Variants in APBB2 observed in about 807,000 individuals in gnomAD.
The protein encoded by APBB2 is amyloid beta precursor protein binding family B member 2.
In APBB2, 38 loss-of-function variants were observed where a neutral mutation model predicts 82.5. The ratio of observed to expected loss-of-function variants is 0.46; its 90% CI spans 0.36 to 0.60. The LOEUF (loss-of-function observed/expected upper bound fraction) is 0.60. Among genes scored for constraint, APBB2 ranks in the 20% least tolerant of loss-of-function variants. APBB2 has a pLI of 0.00. For synonymous variants in APBB2, 341 were observed against 368.2 expected (o/e 0.93, Z 0.85); for missense variants, 772 against 972.3 (o/e 0.79, Z 2.74).
intron 6 of APBB2, among the ~76,000 whole-genome samples, chr4:40,973,810 G>A (rs977232254): frequency 6.6e-6 from 1 of 151,344 alleles, no homozygotes; most frequent in Non-Finnish European, 1.5e-5. Context: ...GGATTCACCT[G>A]GCATTCTCTT....
chr4:40,816,010 G>T lies in APBB2; in HGVS notation c.*82C>A. The stretch of plus-strand genomic sequence containing the variant: ...AAGACAAAGCATCAGCAACTGGATG[G>T]AAGGTCGGATGGCGGAGTTCATTTT... On this transcript the variant is annotated 3_prime_UTR_variant, in exon 18 of 18. Transcript: ENST00000508593. 6.7e-7 allele frequency: 1 copy of T among 1,493,080 alleles called. No homozygotes were observed. Among genetic ancestry groups the T allele is most frequent in the Non-Finnish European group, 9.2e-7 (1 of 1,089,164 alleles). The allele number at this position is 1,493,080 out of a possible 1,614,324, so 92.5% of individuals were successfully genotyped here. A position where few individuals can be genotyped will look rare whatever the true frequency, so the allele number is the denominator to read the frequency against.
In APBB2 at chr4:41,099,844, A is replaced by G. The variant is rs1414604437; in HGVS notation, c.-149+795T>C. Among the ~76,000 whole-genome samples the G allele has an allele frequency of 2.0e-5, 3 of 152,192 alleles. No homozygotes were observed. In the East Asian group the frequency reaches 5.8e-4, roughly 29 times the overall value. ...GTCGATAATGTTTCTGGAACATGCT[A>G]GAGAGGATATTTGTGTATGTTTCTG... On this transcript the variant is annotated intron_variant, in intron 3 of 17. Coordinates refer to ENST00000508593, the MANE Select transcript of APBB2 (RefSeq NM_004307.2).
intron 1 of APBB2, among the ~76,000 whole-genome samples, chr4:41,171,955 C>T (rs540832106): frequency 2.9e-4 from 44 of 152,268 alleles, no homozygotes; most frequent in African/African-American, 1.0e-3. Context: ...AAAAAATTAG[C>T]TGGGCATGGT....
intron 1 of APBB2, among the ~76,000 whole-genome samples, chr4:41,162,928 A>C (rs778284201): frequency 1.2e-4 from 19 of 152,234 alleles, no homozygotes; most frequent in Non-Finnish European, 2.4e-4. Context: ...AATAAGGGCA[A>C]GGTGTGTGGA....
chr4:41,191,202 T>A (rs1774333640), intron 1 of APBB2, among the ~76,000 whole-genome samples: 1 of 152,170 alleles, frequency 6.6e-6, no homozygotes, highest in Admixed American at 6.5e-5. Flanking sequence ...GGTGGACAAC[T>A]TCTACCACAT....
intron 5 of APBB2, among the ~76,000 whole-genome samples, chr4:41,025,506 G>T (rs1713649359): frequency 6.6e-6 from 1 of 151,988 alleles, no homozygotes; most frequent in Non-Finnish European, 1.5e-5. Flanking sequence ...CTGTTACTGG[G>T]TATATACTCA....
intron 12 of APBB2, among the ~76,000 whole-genome samples, chr4:40,838,781 A>G (rs1204327248): frequency 6.6e-6 from 1 of 151,970 alleles, no homozygotes; most frequent in Non-Finnish European, 1.5e-5. Flanking sequence ...AGCAGGCTCT[A>G]TTTTAAAAAA....
intron 2 of APBB2, among the ~76,000 whole-genome samples, chr4:41,119,522 T>TAAAA (rs35952366): frequency 1.7e-5 from 2 of 118,032 alleles, no homozygotes; most frequent in Non-Finnish European, 3.5e-5. Flanking sequence ...GAAGTTCCAT[T>TAAAA]AAAAAAAAAA....
intron 6 of APBB2, among the ~76,000 whole-genome samples, chr4:40,982,395 GGAAAGGAAA>G (rs1310047755): frequency 3.1e-5 from 1 of 32,530 alleles, no homozygotes; most frequent in Admixed American, 3.9e-4. Flanking sequence ...AGGAAGGAAA[GGAAAGGAAA>G]GAAAGAAAGA....
chr4:40,848,313 AG>A (rs1758265989), intron 12 of APBB2, among the ~76,000 whole-genome samples: 1 of 152,230 alleles, frequency 6.6e-6, no homozygotes, highest in Non-Finnish European at 1.5e-5. Context: ...ATAACCTTGC[AG>A]GGGGAAGCAT....
intron 12 of APBB2, among the ~76,000 whole-genome samples, chr4:40,841,343 G>A (rs1010045384): frequency 6.6e-6 from 1 of 152,136 alleles, no homozygotes; most frequent in South Asian, 2.1e-4. Flanking sequence ...CATTCAAGGA[G>A]AATTATCTCC....
At chr4:41,003,798 C>T (rs62412093) in intron 6 of APBB2, among the ~76,000 whole-genome samples, 6,379 of 152,286 alleles carry the variant, frequency 0.042, 273 homozygotes, top group African/African-American at 0.11. Context: ...CTGCAACCTC[C>T]GTCTCCTGGG....
chr4:40,928,588 ATTT>A (rs1283443034), intron 10 of APBB2, among the ~76,000 whole-genome samples: 1 of 129,362 alleles, frequency 7.7e-6, no homozygotes, highest in African/African-American at 2.8e-5. Context: ...CAAATAAATA[ATTT>A]TAAAAAAAAT....
At chr4:40,955,450 T>C (rs1438009068) in intron 6 of APBB2, among the ~76,000 whole-genome samples, 1 of 152,270 alleles carries the variant, frequency 6.6e-6, no homozygotes, top group Non-Finnish European at 1.5e-5. Context: ...ATGTGATTTG[T>C]ATTTTGAAAA....
At chr4:41,019,742 G>A (rs1189666739) in intron 5 of APBB2, among the ~76,000 whole-genome samples, 1 of 152,150 alleles carries the variant, frequency 6.6e-6, no homozygotes, top group Non-Finnish European at 1.5e-5. Flanking sequence ...GGAAGGTAGA[G>A]GTATTGCATG....
At chr4:41,106,821 G>A (rs989108236) in intron 2 of APBB2, among the ~76,000 whole-genome samples, 3 of 152,038 alleles carry the variant, frequency 2.0e-5, no homozygotes, top group Non-Finnish European at 4.4e-5. Context: ...CCTAGATCTT[G>A]GTTTCTAAAT....
chr4:41,125,046 T>G (rs75328689), intron 2 of APBB2, among the ~76,000 whole-genome samples: 10,663 of 152,298 alleles, frequency 0.07, 537 homozygotes, highest in Non-Finnish European at 0.1. Context: ...TCCTTTTAAG[T>G]ACTTTCAAAC....
chr4:40,947,715 C>A (rs766401041), intron 6 of APBB2, among the ~76,000 whole-genome samples: 4 of 152,224 alleles, frequency 2.6e-5, no homozygotes, highest in Non-Finnish European at 2.9e-5. Flanking sequence ...GGTCTACAAT[C>A]ATTTATAGAA....
intron 6 of APBB2, among the ~76,000 whole-genome samples, chr4:40,961,667 T>TAAAAAAAAAAAAAA (rs60942744): frequency 4.4e-5 from 3 of 68,246 alleles, no homozygotes; most frequent in East Asian, 5.4e-4. Context: ...AAAAAAGATG[T>TAAAAAAAAAAAAAA]AAAAAAAAAA....
Sources: gnomAD v4.1 joint callset for allele counts (sites outside exome capture counted in the v4.1 genomes callset) on GRCh38, gnomAD v4.1.1 for gene constraint, MANE v1.5 for transcripts, NCBI Gene and HGNC (gene_info 2026-07-23, HGNC 2026-07-21) for gene names.